Variants in PRKCE observed in about 807,000 individuals in gnomAD.
PRKCE encodes the protein protein kinase C epsilon type.
Under a neutral mutation model 85.4 loss-of-function variants are expected in PRKCE, and 16 were observed. That is an observed-to-expected ratio of 0.19 (90% confidence interval 0.13 to 0.28). The LOEUF is 0.28. Ranked by LOEUF, PRKCE falls within the 10% of genes least tolerant of loss-of-function variation. The pLI, the probability that PRKCE is intolerant of heterozygous loss-of-function variation, is 1.00. For missense variants in PRKCE, 573 were observed against 975.2 expected (o/e 0.59, Z 5.49); for synonymous variants, 388 against 371.5 (o/e 1.04, Z -0.51).
In PRKCE at chr2:45,971,368, C is replaced by T. The variant is rs921230225; in HGVS notation, c.413-5061C>T. Reference sequence around the variant, plus strand: ...TTCTTTTCTGTGTCTGAGTAACATTCGATTGCATGAATACACCATATTTTC... The same window carrying T: ...TTCTTTTCTGTGTCTGAGTAACATTTGATTGCATGAATACACCATATTTTC... On this transcript the variant is annotated intron_variant, in intron 2 of 14. Coordinates refer to ENST00000306156, the MANE Select transcript of PRKCE (RefSeq NM_005400.3). Among the ~76,000 whole-genome samples the T allele has an allele frequency of 3.3e-5, 5 of 152,296 alleles. No individual in the cohort carries two copies. In the East Asian group the frequency reaches 9.6e-4, roughly 29 times the overall value.
At chr2:45,917,681 C>A (rs925547873) in intron 2 of PRKCE, among the ~76,000 whole-genome samples, 1 of 152,256 alleles carries the variant, frequency 6.6e-6, no homozygotes, top group Non-Finnish European at 1.5e-5. Context: ...CACTCCTCAG[C>A]CCTTGGGTGG....
intron 2 of PRKCE, among the ~76,000 whole-genome samples, chr2:45,859,626 T>A (rs1167593113): frequency 6.6e-6 from 1 of 152,226 alleles, no homozygotes. Flanking sequence ...TTCACTCCCT[T>A]AGTGCATTTT....
At chr2:45,738,307 T>G (rs1682259099) in intron 1 of PRKCE, among the ~76,000 whole-genome samples, 2 of 152,262 alleles carry the variant, frequency 1.3e-5, no homozygotes, top group African/African-American at 4.8e-5. Flanking sequence ...ACCCAGTCTT[T>G]CTGACTTAAT....
intron 2 of PRKCE, among the ~76,000 whole-genome samples, chr2:45,906,091 A>G (rs1485027219): frequency 6.6e-6 from 1 of 152,276 alleles, no homozygotes; most frequent in Non-Finnish European, 1.5e-5. Flanking sequence ...ACCCAGATGC[A>G]GCGGCTTTCC....
At position 46,078,156 on chromosome 2, in the gene PRKCE, G is replaced by A. The variant is rs963139762; in HGVS notation, c.1438-8052G>A. On this transcript the variant is annotated intron_variant, in intron 10 of 14. Transcript: ENST00000306156. Reference sequence around the variant, plus strand: ...GGGGAAGAGAGAATAACTTCAGGCTGCCTTCTTCCAATCCACCTTGAACTC... The same window carrying A: ...GGGGAAGAGAGAATAACTTCAGGCTACCTTCTTCCAATCCACCTTGAACTC... 14 of 152,102 alleles carry A rather than the reference G, an allele frequency of 9.2e-5. 1 individual carries two copies. Among genetic ancestry groups the A allele is most frequent in the Middle Eastern group, 6.3e-3 (2 of 316 alleles). The allele number at this position is 152,102 out of a possible 1,614,324, so 9.4% of individuals were successfully genotyped here.
At chr2:45,716,061 C>T (rs991247192) in intron 1 of PRKCE, among the ~76,000 whole-genome samples, 14 of 152,188 alleles carry the variant, frequency 9.2e-5, no homozygotes, top group African/African-American at 3.4e-4. Flanking sequence ...AACCTACAAG[C>T]CCCTCCTTTC....
At position 45,843,131 on chromosome 2, in the gene PRKCE, C is replaced by CT. The variant is rs869216273; in HGVS notation, c.412+68_412+69insT. 6.1e-5 allele frequency: 80 copies of CT among 1,320,168 alleles called. 1 individual carries two copies. The highest frequency in any genetic ancestry group is 8.3e-5 in the Non-Finnish European group (78 of 935,110). The allele number at this position is 1,320,168 out of a possible 1,614,324, so 81.8% of individuals were successfully genotyped here. A position where few individuals can be genotyped will look rare whatever the true frequency, so the allele number is the denominator to read the frequency against. ...CCTTTGCCTTCTGGGTCTCTTCTTTCCCCCCCTTGGCCGGAACACATTATA... is the reference window on the plus strand; with the variant it reads ...CCTTTGCCTTCTGGGTCTCTTCTTTCTCCCCCCTTGGCCGGAACACATTATA... On this transcript the variant is annotated intron_variant, in intron 2 of 14. Coordinates refer to ENST00000306156, the MANE Select transcript of PRKCE (RefSeq NM_005400.3).
chr2:46,114,621 A>C (rs888163894), intron 11 of PRKCE, among the ~76,000 whole-genome samples: 2 of 151,310 alleles, frequency 1.3e-5, no homozygotes, highest in Non-Finnish European at 2.9e-5. Flanking sequence ...GAGTTTCACC[A>C]TGTTAGCCAG....
intron 10 of PRKCE, among the ~76,000 whole-genome samples, chr2:46,071,660 C>CA (rs1246397241): frequency 3.3e-5 from 5 of 152,194 alleles, no homozygotes; most frequent in Non-Finnish European, 7.3e-5. Flanking sequence ...TGACTACAGT[C>CA]AAATCATGAA....
chr2:45,926,974 G>A (rs1029301362), intron 2 of PRKCE, among the ~76,000 whole-genome samples: 13 of 152,134 alleles, frequency 8.5e-5, no homozygotes, highest in Admixed American at 3.3e-4. Context: ...ATGTGTGAGC[G>A]TGCATGGGAC....
chr2:45,800,328 T>A (rs1687760572), intron 1 of PRKCE, among the ~76,000 whole-genome samples: 1 of 151,922 alleles, frequency 6.6e-6, no homozygotes, highest in Non-Finnish European at 1.5e-5. Context: ...GGAGTCACAC[T>A]GCCCAGGCAG....
chr2:45,903,434 G>T (rs898848346), intron 2 of PRKCE, among the ~76,000 whole-genome samples: 3 of 152,232 alleles, frequency 2.0e-5, no homozygotes, highest in African/African-American at 4.8e-5. Flanking sequence ...ATGGGACAGG[G>T]TTGCAGCAGC....
intron 1 of PRKCE, among the ~76,000 whole-genome samples, chr2:45,805,376 T>A (rs1688166346): frequency 6.6e-6 from 1 of 152,100 alleles, no homozygotes; most frequent in African/African-American, 2.4e-5. Flanking sequence ...AGTCCTGCCT[T>A]ATTGGTTTGG....
intron 11 of PRKCE, among the ~76,000 whole-genome samples, chr2:46,128,210 G>A (rs905728071): frequency 3.3e-5 from 5 of 151,768 alleles, no homozygotes; most frequent in African/African-American, 9.7e-5. Flanking sequence ...AGCATCACTT[G>A]TAATGTCATC....
Position 45,652,566 on chromosome 2 carries a change from T to TG in PRKCE, c.348+118_348+119insG, listed in dbSNP as rs1200021852. ...TTGACGACTGGGGTGTGTGTGCCTGTAAGTCTCAGTTTCCTTGGGGAGGTA... is the reference window on the plus strand; with the variant it reads ...TTGACGACTGGGGTGTGTGTGCCTGTGAAGTCTCAGTTTCCTTGGGGAGGTA... On this transcript the variant is annotated intron_variant, in intron 1 of 14. Transcript: ENST00000306156. The surrounding 1 kb of genome is among the most constrained non-coding windows in gnomAD (Gnocchi z 7.7). 1.8e-5 allele frequency: 18 copies of TG among 976,386 alleles called. No individual in the cohort carries two copies. Among genetic ancestry groups the TG allele is most frequent in the Non-Finnish European group, 2.4e-5 (16 of 679,342 alleles). The allele number at this position is 976,386 out of a possible 1,614,324, so 60.5% of individuals were successfully genotyped here.
intron 1 of PRKCE, among the ~76,000 whole-genome samples, chr2:45,815,391 G>A (rs1483843856): frequency 1.3e-5 from 2 of 152,146 alleles, no homozygotes; most frequent in East Asian, 1.9e-4. Context: ...AAGCTGAGGG[G>A]GTGCATTCCC....
intron 10 of PRKCE, among the ~76,000 whole-genome samples, chr2:46,054,045 A>G (rs1450936409): frequency 6.6e-6 from 1 of 152,106 alleles, no homozygotes; most frequent in East Asian, 1.9e-4. Flanking sequence ...CTCTCTCACA[A>G]TCTCTTAGTG....
chr2:45,930,255 G>A (rs985548951), intron 2 of PRKCE, among the ~76,000 whole-genome samples: 12 of 152,198 alleles, frequency 7.9e-5, no homozygotes, highest in African/African-American at 2.9e-4. Flanking sequence ...TTTGGTGTTT[G>A]GAAAGCGCAT....
At chr2:45,824,237 T>G (rs538803061) in intron 1 of PRKCE, among the ~76,000 whole-genome samples, 46 of 152,338 alleles carry the variant, frequency 3.0e-4, no homozygotes, top group African/African-American at 1.1e-3. Flanking sequence ...ATTAATCCTC[T>G]CCAATCATCT....
Sources: allele counts gnomAD v4.1 joint callset (sites outside exome capture counted in the v4.1 genomes callset), GRCh38; gene constraint gnomAD v4.1.1; non-coding constraint Gnocchi (gnomAD v3.1); transcripts MANE v1.5; gene names NCBI Gene and HGNC (gene_info 2026-07-23, HGNC 2026-07-21).